The following CACNG5 variants were observed in gnomAD, a reference collection of about 807,000 sequenced individuals.
CACNG5 encodes the protein calcium voltage-gated channel auxiliary subunit gamma 5.
A neutral mutation model predicts 24.8 loss-of-function variants in CACNG5; 18 were observed. That is an observed-to-expected ratio of 0.73 (90% CI 0.50 to 1.08). The LOEUF is 1.08. CACNG5 is among the 50% of genes least tolerant of loss of function. CACNG5 has a pLI of 0.00. For missense variants in CACNG5, 349 were observed against 367.9 expected (o/e 0.95, Z 0.42); for synonymous variants, 157 against 149.1 (o/e 1.05, Z -0.39).
chr17:66,842,983 G>A (rs11867463), intron 1 of CACNG5, among the ~76,000 whole-genome samples: 7 of 152,284 alleles, frequency 4.6e-5, no homozygotes, highest in East Asian at 1.9e-4. Context: ...AGTCCTGCAC[G>A]CCAGCAACTG....
intron 1 of CACNG5, among the ~76,000 whole-genome samples, chr17:66,847,298 A>G (rs1051913587): frequency 6.6e-6 from 1 of 152,202 alleles, no homozygotes; most frequent in African/African-American, 2.4e-5. Context: ...CAGCTTCTGT[A>G]TTAGTCCCTT....
At chr17:66,842,615 C>G (rs1056240632) in intron 1 of CACNG5, among the ~76,000 whole-genome samples, 1 of 152,096 alleles carries the variant, frequency 6.6e-6, no homozygotes, top group East Asian at 1.9e-4. Flanking sequence ...CATGAGAACC[C>G]GGAATCTGGA....
intron 1 of CACNG5, among the ~76,000 whole-genome samples, chr17:66,876,390 C>T (rs1977077988): frequency 6.6e-6 from 1 of 152,208 alleles, no homozygotes; most frequent in African/African-American, 2.4e-5. Context: ...GGCTGGCATC[C>T]ATCTGCCTTG....
intron 1 of CACNG5, among the ~76,000 whole-genome samples, chr17:66,839,693 T>C (rs1344561957): frequency 6.7e-6 from 1 of 148,922 alleles, no homozygotes; most frequent in Non-Finnish European, 1.5e-5. Context: ...GTCTGGGGGC[T>C]GGGCAGTGTG....
intron 1 of CACNG5, among the ~76,000 whole-genome samples, chr17:66,837,008 T>C (rs1976489594): frequency 6.6e-6 from 1 of 152,348 alleles, no homozygotes; most frequent in African/African-American, 2.4e-5. Flanking sequence ...CTCCAAACCC[T>C]GCTAGGTTCC....
Position 66,891,696 on chromosome 17 carries a change from G to T in CACNG5, c.*6456G>T, listed in dbSNP as rs1030588464. On this transcript the variant is annotated 3_prime_UTR_variant, in exon 6 of 6. Coordinates refer to ENST00000533854, the MANE Select transcript of CACNG5 (RefSeq NM_145811.3). ...AGACAACCTAGGTTTATAGAGAAGA[G>T]AACGTAGATCCCACCATCTCAGATG... is the stretch of plus-strand genomic sequence containing the variant. 3.3e-5 allele frequency among the ~76,000 whole-genome samples: 5 copies of T among 152,164 alleles called. No homozygotes were observed. Among genetic ancestry groups the T allele is most frequent in the Admixed American group, 6.5e-5 (1 of 15,268 alleles).
chr17:66,838,130 C>T (rs1232600716), intron 1 of CACNG5, among the ~76,000 whole-genome samples: 3 of 151,814 alleles, frequency 2.0e-5, no homozygotes, highest in African/African-American at 4.8e-5. Flanking sequence ...GGCCTGGTCA[C>T]GCTGGCTGTT....
chr17:66,871,975 C>T (rs1977014257), intron 1 of CACNG5, among the ~76,000 whole-genome samples: 1 of 152,124 alleles, frequency 6.6e-6, no homozygotes, highest in South Asian at 2.1e-4. Flanking sequence ...TAGCTGGAGC[C>T]CTGCACTTTT....
Position 66,862,377 on chromosome 17 carries a change from GTGTCACAAT to G in CACNG5, c.-103-14852_-103-14844del, listed in dbSNP as rs1253432981. ...CCAATCCAGCTTGTGTCACTTACAA[GTGTCACAAT>G]CCAGCTTGTGTCACTTACAAGCTGC... On this transcript the variant is annotated intron_variant, in intron 1 of 5. Coordinates refer to ENST00000533854, the MANE Select transcript of CACNG5 (RefSeq NM_145811.3). 1.1e-3 allele frequency among the ~76,000 whole-genome samples: 103 copies of G among 95,768 alleles called. No individual in the cohort carries two copies. In the East Asian group the frequency reaches 0.092, roughly 86 times the overall value. 62.8% of individuals were successfully genotyped at this position (95,768 alleles called of 152,430 possible).
chr17:66,858,055 T>G (rs2143065090), intron 1 of CACNG5, among the ~76,000 whole-genome samples: 1 of 152,324 alleles, frequency 6.6e-6, no homozygotes, highest in East Asian at 1.9e-4. Flanking sequence ...CCTTTTCTCC[T>G]CTCAGTTCCT....
intron 2 of CACNG5, among the ~76,000 whole-genome samples, chr17:66,878,029 C>T (rs1055189432): frequency 1.3e-5 from 2 of 152,210 alleles, no homozygotes; most frequent in African/African-American, 2.4e-5. Context: ...TTTCTCTGTT[C>T]CTCACTCCAT....
At chr17:66,875,639 A>G (rs1199992098) in intron 1 of CACNG5, among the ~76,000 whole-genome samples, 1 of 152,160 alleles carries the variant, frequency 6.6e-6, no homozygotes, top group Non-Finnish European at 1.5e-5. Flanking sequence ...CTGTGCCTCA[A>G]ATCTCAACTG....
At chr17:66,872,079 C>T (rs900605605) in intron 1 of CACNG5, among the ~76,000 whole-genome samples, 2 of 152,142 alleles carry the variant, frequency 1.3e-5, no homozygotes, top group Non-Finnish European at 1.5e-5. Context: ...CTTTGAGAAG[C>T]TTTGTTGAGC....
Position 66,888,543 on chromosome 17 carries a change from CAAAAA to C in CACNG5, c.*3322_*3326del, listed in dbSNP as rs770809783. On this transcript the variant is annotated 3_prime_UTR_variant, in exon 6 of 6. Coordinates refer to ENST00000533854, the MANE Select transcript of CACNG5 (RefSeq NM_145811.3). Reference sequence around the variant, plus strand: ...TGGGTGACAGAGCGAGACTCCGTCTCAAAAAAAAAAAAAAAAAAAAAAAGAGTTAA... The same window carrying C: ...TGGGTGACAGAGCGAGACTCCGTCTCAAAAAAAAAAAAAAAAAAGAGTTAA... Among the ~76,000 whole-genome samples, 1 of 62,638 alleles carries C rather than the reference CAAAAA, an allele frequency of 1.6e-5. No homozygotes were observed. The highest frequency in any genetic ancestry group is 5.6e-5 in the African/African-American group (1 of 17,982). 41.1% of individuals were successfully genotyped at this position (62,638 alleles called of 152,430 possible). A position where few individuals can be genotyped will look rare whatever the true frequency, so the allele number is the denominator to read the frequency against.
At chr17:66,846,764 A>G (rs774928858) in intron 1 of CACNG5, among the ~76,000 whole-genome samples, 2 of 152,174 alleles carry the variant, frequency 1.3e-5, no homozygotes, top group Admixed American at 1.3e-4. Flanking sequence ...CCTGCTTTCA[A>G]TTCTCTTGGG....
rs1037520229 is a variant in CACNG5 at position 66,894,750 on chromosome 17, T to C, written c.*9510T>C. Among the ~76,000 whole-genome samples the C allele has an allele frequency of 6.6e-6, 1 of 152,232 alleles. No homozygotes were observed. The highest frequency in any genetic ancestry group is 2.4e-5 in the African/African-American group (1 of 41,454). The stretch of plus-strand genomic sequence containing the variant: ...AATTTAAATAAAGGGTACTGCATTA[T>C]ATATGCATCTCTCTTTCTCACTTTT... On this transcript the variant is annotated 3_prime_UTR_variant, in exon 6 of 6. Coordinates refer to ENST00000533854, the MANE Select transcript of CACNG5 (RefSeq NM_145811.3).
At chr17:66,841,631 G>A (rs570625376) in intron 1 of CACNG5, among the ~76,000 whole-genome samples, 1 of 152,252 alleles carries the variant, frequency 6.6e-6, no homozygotes, top group South Asian at 2.1e-4. Flanking sequence ...TCTTCTCAGG[G>A]GGCTGCCACA....
intron 1 of CACNG5, among the ~76,000 whole-genome samples, chr17:66,842,634 G>C (rs761037974): frequency 6.6e-5 from 10 of 152,210 alleles, no homozygotes; most frequent in Non-Finnish European, 1.3e-4. Context: ...GAGTTAAAGA[G>C]AGGCAGGACC....
chr17:66,869,096 C>A (rs1976967954), intron 1 of CACNG5, among the ~76,000 whole-genome samples: 1 of 151,304 alleles, frequency 6.6e-6, no homozygotes, highest in East Asian at 1.9e-4. Context: ...TTTCTTTTTT[C>A]TTTTTGAGAT....
Sources: allele counts gnomAD v4.1 joint callset (sites outside exome capture counted in the v4.1 genomes callset), GRCh38; gene constraint gnomAD v4.1.1; transcripts MANE v1.5; gene names NCBI Gene and HGNC (gene_info 2026-07-23, HGNC 2026-07-21).